The following GRM7 variants were observed in gnomAD, a reference collection of about 807,000 sequenced individuals.
The protein encoded by GRM7 is metabotropic glutamate receptor 7.
Under a neutral mutation model 84.5 loss-of-function variants are expected in GRM7, and 35 were observed. The observed-to-expected ratio is 0.41, with a 90% CI of 0.32 to 0.55. The LOEUF (loss-of-function observed/expected upper bound fraction) is 0.55. Among genes scored for constraint, GRM7 ranks in the 20% least tolerant of loss-of-function variants. GRM7 has a pLI of 0.19. For synonymous variants in GRM7, 487 were observed against 455.1 expected (o/e 1.07, Z -0.89); for missense variants, 1,003 against 1,194.6 (o/e 0.84, Z 2.36).
At chr3:7,591,047 G>C (rs1695758654) in intron 8 of GRM7, among the ~76,000 whole-genome samples, 1 of 152,146 alleles carries the variant, frequency 6.6e-6, no homozygotes, top group African/African-American at 2.4e-5. Flanking sequence ...ATCTGTTGTG[G>C]AGTATGATAC....
intron 2 of GRM7, among the ~76,000 whole-genome samples, chr3:7,232,901 G>T (rs959437755): frequency 2.6e-5 from 4 of 152,112 alleles, no homozygotes; most frequent in South Asian, 2.1e-4. Flanking sequence ...TTCTTTCTTC[G>T]AATCTTTAGA....
chr3:7,471,466 C>T (rs796839312), intron 7 of GRM7, among the ~76,000 whole-genome samples: 11 of 152,282 alleles, frequency 7.2e-5, no homozygotes, highest in African/African-American at 2.6e-4. Flanking sequence ...TGGATCCCAG[C>T]TTCTGGCACC....
rs56902789 is a variant in GRM7, at chr3:6,927,590, A to T, written c.519+65683A>T. ...TAAATACAGAAAAATTTAGAAAAAA[A>T]TATACTTTAGAGAGAATAAATATCA... On this transcript the variant is annotated intron_variant, in intron 1 of 9. Transcript: ENST00000357716. Among the ~76,000 whole-genome samples the T allele has an allele frequency of 8.5e-3, 1,290 of 152,320 alleles. 20 individuals carry two copies. The highest frequency in any genetic ancestry group is 0.03 in the African/African-American group (1,231 of 41,566).
intron 7 of GRM7, among the ~76,000 whole-genome samples, chr3:7,490,074 TATAAC>T (rs1699466114): frequency 6.6e-6 from 1 of 152,048 alleles, no homozygotes; most frequent in Admixed American, 6.6e-5. Flanking sequence ...CTTATACAAT[TATAAC>T]AGAAAAGATA....
chr3:7,388,496 G>T (rs1694870911), intron 4 of GRM7, among the ~76,000 whole-genome samples: 2 of 152,004 alleles, frequency 1.3e-5, no homozygotes, highest in Non-Finnish European at 2.9e-5. Flanking sequence ...CAATTTTTTG[G>T]ATTATTTTCA....
At chr3:7,358,671 T>A (rs570653962) in intron 4 of GRM7, among the ~76,000 whole-genome samples, 1 of 130,880 alleles carries the variant, frequency 7.6e-6, no homozygotes, top group East Asian at 1.9e-4. Context: ...TAAAACTGTT[T>A]AACTTCCTGT....
chr3:7,266,728 A>G (rs962455689), intron 2 of GRM7, among the ~76,000 whole-genome samples: 1 of 152,232 alleles, frequency 6.6e-6, no homozygotes, highest in Non-Finnish European at 1.5e-5. Context: ...TCCAAACAGA[A>G]ACTGGGCATT....
At chr3:6,902,695 T>C (rs1397538447) in intron 1 of GRM7, among the ~76,000 whole-genome samples, 2 of 152,174 alleles carry the variant, frequency 1.3e-5, no homozygotes, top group Non-Finnish European at 2.9e-5. Flanking sequence ...TAGCCAGATC[T>C]GCAGACTATT....
At chr3:7,550,554 TCTCTC>T (rs1693406186) in intron 7 of GRM7, among the ~76,000 whole-genome samples, 1 of 54,618 alleles carries the variant, frequency 1.8e-5, no homozygotes, top group African/African-American at 1.4e-4. Context: ...TTCTTCTCTC[TCTCTC>T]TCTCTCTCTC....
chr3:7,148,870 G>C (rs547712964), intron 2 of GRM7, among the ~76,000 whole-genome samples: 3 of 152,248 alleles, frequency 2.0e-5, no homozygotes, highest in Admixed American at 2.0e-4. Context: ...AAGCCAGCTG[G>C]TGCTGCAGAA....
chr3:7,036,490 G>A (rs771178394), intron 1 of GRM7, among the ~76,000 whole-genome samples: 45 of 151,998 alleles, frequency 3.0e-4, no homozygotes, highest in Non-Finnish European at 5.6e-4. Context: ...GCTTACATGG[G>A]ATTATAGAAT....
intron 1 of GRM7, among the ~76,000 whole-genome samples, chr3:6,937,214 G>C (rs1697724194): frequency 6.6e-6 from 1 of 152,186 alleles, no homozygotes; most frequent in Non-Finnish European, 1.5e-5. Flanking sequence ...ACTTCTTGCT[G>C]CTGCTTTGAT....
intron 2 of GRM7, among the ~76,000 whole-genome samples, chr3:7,172,399 C>T (rs1695011484): frequency 6.6e-6 from 1 of 152,062 alleles, no homozygotes; most frequent in African/African-American, 2.4e-5. Context: ...GTGGCCTTAA[C>T]TCTGACAATA....
chr3:7,046,432 TAA>T (rs1696810568), intron 1 of GRM7, among the ~76,000 whole-genome samples: 1 of 152,150 alleles, frequency 6.6e-6, no homozygotes, highest in Admixed American at 6.6e-5. Flanking sequence ...GAAAACCACA[TAA>T]AGTTGTTAGC....
At chr3:6,901,261 T>G (rs560013721) in intron 1 of GRM7, among the ~76,000 whole-genome samples, 6 of 152,154 alleles carry the variant, frequency 3.9e-5, no homozygotes, top group Non-Finnish European at 5.9e-5. Flanking sequence ...AGATATAATT[T>G]GGTTGCTTAA....
At chr3:7,643,638 T>A (rs1698470160) in intron 8 of GRM7, among the ~76,000 whole-genome samples, 1 of 152,176 alleles carries the variant, frequency 6.6e-6, no homozygotes, top group South Asian at 2.1e-4. Context: ...AAATGTCAAA[T>A]GAGGCTAACA....
chr3:7,516,188 A>AAAG (rs1700372547), intron 7 of GRM7, among the ~76,000 whole-genome samples: 1 of 145,940 alleles, frequency 6.9e-6, no homozygotes, highest in African/African-American at 2.5e-5. Flanking sequence ...AAAAAAAAAA[A>AAAG]GGGCTGGGCA....
intron 2 of GRM7, among the ~76,000 whole-genome samples, chr3:7,210,725 C>T (rs1696393979): frequency 6.6e-6 from 1 of 151,978 alleles, no homozygotes; most frequent in Admixed American, 6.5e-5. Flanking sequence ...CTACCCTTTC[C>T]TCACACGCTC....
intron 2 of GRM7, among the ~76,000 whole-genome samples, chr3:7,210,156 T>C (rs1302740839): frequency 6.6e-6 from 1 of 152,204 alleles, no homozygotes; most frequent in Admixed American, 6.5e-5. Context: ...TTCATGGTAA[T>C]GGGCAGTGGC....
Sources: allele counts gnomAD v4.1 joint callset (sites outside exome capture counted in the v4.1 genomes callset), GRCh38; gene constraint gnomAD v4.1.1; transcripts MANE v1.5; gene names NCBI Gene and HGNC (gene_info 2026-07-23, HGNC 2026-07-21).